Variants in IL1RAPL1 observed in about 807,000 individuals in gnomAD.
The protein encoded by IL1RAPL1 is interleukin 1 receptor accessory protein like 1.
In IL1RAPL1, 3 loss-of-function variants were observed where a neutral mutation model predicts 48.4. The observed-to-expected ratio is 0.06, with a 90% CI of 0.03 to 0.16. The LOEUF (loss-of-function observed/expected upper bound fraction) is 0.16. Among genes scored for constraint, IL1RAPL1 ranks in the 10% least tolerant of loss-of-function variants. The pLI is 1.00. For missense variants in IL1RAPL1, 349 were observed against 530.6 expected (o/e 0.66, Z 3.36); for synonymous variants, 185 against 187.7 (o/e 0.99, Z 0.12).
At chrX:29,848,365 T>C (rs1931290545) in intron 6 of IL1RAPL1, among the ~76,000 whole-genome samples, 1 of 110,641 alleles carries the variant, frequency 9.0e-6, no homozygotes, top group Admixed American at 9.6e-5. Context: ...CTAAAGCTAA[T>C]CTTTCTTACT....
At chrX:29,043,423 T>C (rs1926887538) in intron 2 of IL1RAPL1, among the ~76,000 whole-genome samples, 1 of 111,032 alleles carries the variant, frequency 9.0e-6, no homozygotes, top group Admixed American at 9.6e-5. Flanking sequence ...AAATTATGTC[T>C]TGAAATAATG....
intron 2 of IL1RAPL1, among the ~76,000 whole-genome samples, chrX:28,913,755 CAT>C (rs1923419076): frequency 9.0e-6 from 1 of 111,445 alleles, no homozygotes; most frequent in Admixed American, 9.6e-5. Flanking sequence ...GGCATAGAAA[CAT>C]GAAGATATTT....
chrX:29,862,989 AG>A (rs1350041728), intron 6 of IL1RAPL1, among the ~76,000 whole-genome samples: 1 of 106,736 alleles, frequency 9.4e-6, no homozygotes, highest in East Asian at 2.9e-4. Context: ...AAAAAAAAAA[AG>A]GCTAGAGAAA....
intron 2 of IL1RAPL1, among the ~76,000 whole-genome samples, chrX:29,133,343 A>G (rs1476977275): frequency 8.9e-6 from 1 of 112,336 alleles, no homozygotes; most frequent in Admixed American, 9.5e-5. Flanking sequence ...GAAAACTTGT[A>G]CATAGTGTTG....
chrX:29,228,599 C>T (rs774877594), intron 2 of IL1RAPL1, among the ~76,000 whole-genome samples: 13 of 110,619 alleles, frequency 1.2e-4, no homozygotes, highest in Non-Finnish European at 2.5e-4. Flanking sequence ...CTGATCCACC[C>T]GCCTCGTCCT....
At chrX:28,829,735 T>C (rs919863874) in intron 2 of IL1RAPL1, among the ~76,000 whole-genome samples, 1 of 109,635 alleles carries the variant, frequency 9.1e-6, no homozygotes, top group African/African-American at 3.3e-5. Flanking sequence ...AATTTTTGTA[T>C]TTTTAGTAGA....
At chrX:28,841,049 T>G (rs1024112038) in intron 2 of IL1RAPL1, among the ~76,000 whole-genome samples, 21 of 111,351 alleles carry the variant, frequency 1.9e-4, no homozygotes, top group Admixed American at 3.8e-4. Flanking sequence ...TTCAATATAA[T>G]ATGAAAAATA....
intron 2 of IL1RAPL1, among the ~76,000 whole-genome samples, chrX:29,255,806 C>T (rs1446222917): frequency 4.5e-5 from 5 of 111,351 alleles, no homozygotes; most frequent in Non-Finnish European, 9.4e-5. Context: ...TTTTTTATGG[C>T]AATGTAGTAT....
intron 6 of IL1RAPL1, among the ~76,000 whole-genome samples, chrX:29,860,105 C>CA (rs983735202): frequency 1.8e-5 from 2 of 111,266 alleles, no homozygotes; most frequent in Non-Finnish European, 3.8e-5. Flanking sequence ...CAATTATGAC[C>CA]AAGGATACTT....
At chrX:29,223,148 TA>T (rs200454645) in intron 2 of IL1RAPL1, among the ~76,000 whole-genome samples, 26 of 110,273 alleles carry the variant, frequency 2.4e-4, no homozygotes, top group Non-Finnish European at 4.0e-4. Flanking sequence ...CCTGAAGTTT[TA>T]AAAAAAAATG....
chrX:28,618,757 G>C (rs1186221606), intron 1 of IL1RAPL1, among the ~76,000 whole-genome samples: 13 of 111,736 alleles, frequency 1.2e-4, no homozygotes, highest in Non-Finnish European at 3.8e-5. Flanking sequence ...TTATTAACAG[G>C]GTGTTGAGAA....
intron 2 of IL1RAPL1, among the ~76,000 whole-genome samples, chrX:28,874,382 T>C (rs1312368434): frequency 8.9e-6 from 1 of 112,253 alleles, no homozygotes; most frequent in Non-Finnish European, 1.9e-5. Context: ...AATAGAAATA[T>C]AGAAATATAA....
intron 6 of IL1RAPL1, among the ~76,000 whole-genome samples, chrX:29,895,684 T>C (rs1932370814): frequency 8.9e-6 from 1 of 112,984 alleles, no homozygotes; most frequent in African/African-American, 3.2e-5. Flanking sequence ...GAGTGCTTAA[T>C]GAATGCTAGA....
At chrX:29,370,751 T>C (rs1933532727) in intron 3 of IL1RAPL1, among the ~76,000 whole-genome samples, 1 of 111,056 alleles carries the variant, frequency 9.0e-6, no homozygotes, top group African/African-American at 3.3e-5. Flanking sequence ...CATTAAAATA[T>C]ATAAATAATA....
chrX:28,620,256 A>G (rs1934271061), intron 1 of IL1RAPL1, among the ~76,000 whole-genome samples: 1 of 112,097 alleles, frequency 8.9e-6, no homozygotes, highest in South Asian at 3.7e-4. Context: ...AATAAATCTA[A>G]GAACATAAAC....
intron 2 of IL1RAPL1, among the ~76,000 whole-genome samples, chrX:28,847,707 G>A (rs1026895810): frequency 9.0e-6 from 1 of 111,137 alleles, no homozygotes; most frequent in Non-Finnish European, 1.9e-5. Context: ...AGTCATTCCC[G>A]CTCCCCTGCC....
chrX:29,508,328 G>T (rs1375474844), intron 5 of IL1RAPL1, among the ~76,000 whole-genome samples: 1 of 111,475 alleles, frequency 9.0e-6, no homozygotes, highest in Non-Finnish European at 1.9e-5. Context: ...AAGAATAATT[G>T]TGATGTATGC....
intron 2 of IL1RAPL1, among the ~76,000 whole-genome samples, chrX:28,890,678 G>C (rs1922748659): frequency 9.0e-6 from 1 of 111,238 alleles, no homozygotes; most frequent in Non-Finnish European, 1.9e-5. Flanking sequence ...TAAACCATTG[G>C]GTACTTTCTA....
At chrX:28,741,861 T>C (rs1935911092) in intron 1 of IL1RAPL1, among the ~76,000 whole-genome samples, 1 of 112,193 alleles carries the variant, frequency 8.9e-6, no homozygotes, top group Admixed American at 9.5e-5. Flanking sequence ...AAATACCTAT[T>C]TCATAATTTC....
Sources: allele counts gnomAD v4.1 joint callset (sites outside exome capture counted in the v4.1 genomes callset), GRCh38; gene constraint gnomAD v4.1.1; transcripts MANE v1.5; gene names NCBI Gene and HGNC (gene_info 2026-07-23, HGNC 2026-07-21).